Variants in ASTN1 observed in about 807,000 individuals in gnomAD.
ASTN1 encodes the protein astrotactin-1.
ASTN1 carries 41 observed loss-of-function variants against 140.7 expected under a neutral mutation model. That is an observed-to-expected ratio of 0.29 (90% confidence interval 0.23 to 0.38). The LOEUF (loss-of-function observed/expected upper bound fraction) is 0.38. ASTN1 is among the 10% of genes least tolerant of loss of function. The probability of loss-of-function intolerance (pLI) is 1.00; values close to 1 mark genes in which losing one functional copy is unlikely to be tolerated. For synonymous variants in ASTN1, 640 were observed against 652.2 expected, an observed-to-expected ratio of 0.98 and a Z score of 0.29; for missense variants, 1,479 against 1,678.8, an observed-to-expected ratio of 0.88 and a Z score of 2.08.
chr1:177,136,257 T>C (rs901373468), intron 1 of ASTN1, among the ~76,000 whole-genome samples: 5 of 152,234 alleles, frequency 3.3e-5, no homozygotes, highest in Admixed American at 2.6e-4. Context: ...TCAGTCTTAC[T>C]GCATTTGACT....
chr1:177,036,036 CTTTTT>C (rs869200407), intron 2 of ASTN1, among the ~76,000 whole-genome samples: 2 of 78,788 alleles, frequency 2.5e-5, no homozygotes, highest in Non-Finnish European at 4.8e-5. Context: ...CCTCAGCTTT[CTTTTT>C]TTTTTTTTTT....
intron 8 of ASTN1, among the ~76,000 whole-genome samples, chr1:176,977,686 C>T (rs1673424311): frequency 6.6e-6 from 1 of 152,186 alleles, no homozygotes; most frequent in Non-Finnish European, 1.5e-5. Context: ...CTCTGAGGCA[C>T]AGCTGTTATA....
At chr1:176,978,218 G>A (rs1673448886) in intron 8 of ASTN1, among the ~76,000 whole-genome samples, 1 of 152,072 alleles carries the variant, frequency 6.6e-6, no homozygotes, top group South Asian at 2.1e-4. Flanking sequence ...ACACAGGGAT[G>A]GAAAAAATAA....
intron 1 of ASTN1, among the ~76,000 whole-genome samples, chr1:177,096,849 G>A (rs1317051601): frequency 1.3e-5 from 2 of 151,982 alleles, no homozygotes; most frequent in Admixed American, 6.6e-5. Context: ...CTTCATAGTA[G>A]TATGAAAATG....
chr1:177,153,734 C>G (rs954448848), intron 1 of ASTN1, among the ~76,000 whole-genome samples: 3 of 152,026 alleles, frequency 2.0e-5, no homozygotes, highest in Non-Finnish European at 2.9e-5. Context: ...AAACAAAAAA[C>G]AAGCAAACAA....
intron 1 of ASTN1, among the ~76,000 whole-genome samples, chr1:177,115,435 G>A (rs953858878): frequency 6.6e-6 from 1 of 152,068 alleles, no homozygotes; most frequent in African/African-American, 2.4e-5. Flanking sequence ...ACTTTGGGAG[G>A]CCAAGGCAGG....
intron 1 of ASTN1, among the ~76,000 whole-genome samples, chr1:177,067,953 C>T (rs556751544): frequency 2.0e-4 from 30 of 152,090 alleles, no homozygotes; most frequent in Non-Finnish European, 3.8e-4. Flanking sequence ...CCATCTGGTA[C>T]GGAGTTCTTA....
chr1:176,892,762 G>A (rs1669319976), intron 17 of ASTN1, among the ~76,000 whole-genome samples: 1 of 152,190 alleles, frequency 6.6e-6, no homozygotes, highest in Non-Finnish European at 1.5e-5. Context: ...ATATTCTAAT[G>A]TTATGATTTG....
intron 7 of ASTN1, among the ~76,000 whole-genome samples, chr1:177,015,930 A>G (rs1675523619): frequency 6.6e-6 from 1 of 152,210 alleles, no homozygotes; most frequent in African/African-American, 2.4e-5. Context: ...TACCTTGTGA[A>G]AGAACAAAGT....
chr1:176,864,047 CTA>C lies in ASTN1; in HGVS notation c.*235_*236del. On this transcript the variant is annotated 3_prime_UTR_variant, in exon 23 of 23. Coordinates refer to ENST00000361833, the MANE Select transcript of ASTN1 (RefSeq NM_004319.3). ...GCAAAGCAAACCCCAAAGTAATCCT[CTA>C]AAGAAATATGGCACTGCATGAAGCC... 7.5e-7 allele frequency: 1 copy of C among 1,336,252 alleles called. No homozygotes were observed. The highest frequency in any genetic ancestry group is 9.6e-7 in the Non-Finnish European group (1 of 1,043,406). 82.8% of individuals were successfully genotyped at this position (1,336,252 alleles called of 1,614,324 possible).
chr1:177,024,437 T>G, intron 6 of ASTN1, 146 bp downstream of exon 6: 3 of 1,047,638 alleles, frequency 2.9e-6, no homozygotes, highest in Non-Finnish European at 4.1e-6. Flanking sequence ...GCAATACAAT[T>G]GTATCCTCAT....
chr1:177,094,703 G>A (rs1182258211), intron 1 of ASTN1, among the ~76,000 whole-genome samples: 3 of 152,194 alleles, frequency 2.0e-5, no homozygotes, highest in Non-Finnish European at 4.4e-5. Context: ...TGGGGGTGCT[G>A]TTGTAACAAA....
chr1:177,096,566 G>A (rs1680034561), intron 1 of ASTN1, among the ~76,000 whole-genome samples: 1 of 152,178 alleles, frequency 6.6e-6, no homozygotes, highest in African/African-American at 2.4e-5. Flanking sequence ...ATCCCCATGT[G>A]TTATGAGAGG....
At chr1:176,962,077 C>T (rs553561622) in intron 9 of ASTN1, among the ~76,000 whole-genome samples, 62 of 152,312 alleles carry the variant, frequency 4.1e-4, no homozygotes, top group South Asian at 6.2e-4. Context: ...GGCATCTCCA[C>T]GCTTCCTCAG....
intron 22 of ASTN1, among the ~76,000 whole-genome samples, chr1:176,867,525 A>G (rs1043439927): frequency 6.6e-6 from 1 of 152,234 alleles, no homozygotes; most frequent in Non-Finnish European, 1.5e-5. Flanking sequence ...AAACTGAGAC[A>G]AAACAAATTA....
intron 14 of ASTN1, among the ~76,000 whole-genome samples, chr1:176,938,234 A>C (rs1239474091): frequency 1.3e-5 from 2 of 152,202 alleles, no homozygotes; most frequent in Admixed American, 1.3e-4. Context: ...CTAACTTTAC[A>C]AGTTTAAGAC....
chr1:177,001,798 T>C (rs1674739619), intron 8 of ASTN1, among the ~76,000 whole-genome samples: 1 of 152,214 alleles, frequency 6.6e-6, no homozygotes. Flanking sequence ...CAAAGTACAA[T>C]GGCTCACTGG....
At chr1:176,892,179 G>A (rs993238454) in intron 17 of ASTN1, among the ~76,000 whole-genome samples, 1 of 152,176 alleles carries the variant, frequency 6.6e-6, no homozygotes, top group Non-Finnish European at 1.5e-5. Context: ...TTATAATGAT[G>A]TTCTGAGGAC....
rs148600572 is a variant in ASTN1, at chr1:177,122,868, G to A, written c.283+41526C>T. Among the ~76,000 whole-genome samples the A allele has an allele frequency of 4.5e-4, 69 of 152,294 alleles. No homozygotes were observed. In the East Asian group the frequency reaches 0.012, roughly 27 times the overall value. On this transcript the variant is annotated intron_variant, in intron 1 of 22. Transcript: ENST00000361833. ...ATTATGGAAAGGCTGACAGAGAAGA[G>A]CCCTTGAGATAGTAAGCTAGGATCA...
Sources: allele counts gnomAD v4.1 joint callset (sites outside exome capture counted in the v4.1 genomes callset), GRCh38; gene constraint gnomAD v4.1.1; transcripts MANE v1.5; gene names NCBI Gene and HGNC (gene_info 2026-07-23, HGNC 2026-07-21).